Variants in PPFIA3 observed in about 807,000 individuals in gnomAD.
PPFIA3 encodes PPFI scaffold protein A3, also known as liprin-alpha-3.
Under a neutral mutation model 145.8 loss-of-function variants are expected in PPFIA3, and 26 were observed. The observed-to-expected ratio is 0.18, with a 90% confidence interval of 0.13 to 0.25. PPFIA3 has a LOEUF of 0.25. PPFIA3 is among the 10% of genes least tolerant of loss of function. The probability of loss-of-function intolerance (pLI) is 1.00; values close to 1 mark genes in which losing one functional copy is unlikely to be tolerated. For missense variants in PPFIA3, 1,008 were observed against 1,587.8 expected (o/e 0.63, Z 6.21); for synonymous variants, 645 against 661.4 (o/e 0.98, Z 0.38).
rs566094726 is a variant in PPFIA3 at position 49,133,609 on chromosome 19, C to T, written c.1162-187C>T. 2.6e-5 allele frequency among the ~76,000 whole-genome samples: 4 copies of T among 152,154 alleles called. No homozygotes were observed. In the East Asian group the frequency reaches 5.8e-4, roughly 22 times the overall value. ...GACTGAAAGGACCGGTGGCCTGGAACCTGAGAGGGAAGGAACAGGTCCTGA... is the reference window on the plus strand; with the variant it reads ...GACTGAAAGGACCGGTGGCCTGGAATCTGAGAGGGAAGGAACAGGTCCTGA... On this transcript the variant is annotated intron_variant, in intron 9 of 29. Coordinates refer to ENST00000334186, the MANE Select transcript of PPFIA3 (RefSeq NM_003660.4). This position sits in a 1 kb window ranked among gnomAD's most constrained non-coding sequence, Gnocchi z 7.2.
At chr19:49,147,070 G>C (rs576161223) in intron 23 of PPFIA3, among the ~76,000 whole-genome samples, 70 of 152,298 alleles carry the variant, frequency 4.6e-4, no homozygotes, top group African/African-American at 1.7e-3. Flanking sequence ...ATGCTGAAAG[G>C]AGTGAGGGAC....
rs760467044 is a variant in PPFIA3 at position 49,138,367 on chromosome 19, T to G, written c.2016T>G (p.Ser672=). ...STLASPSPPS[S]GHSTPRLAPP... Reference sequence around the variant, plus strand: ...TTGCCAGCCCCTCCCCTCCCAGCTCTGGCCACTCAACACCCCGCCTGGCAC... The same window carrying G: ...TTGCCAGCCCCTCCCCTCCCAGCTCGGGCCACTCAACACCCCGCCTGGCAC... The change falls in exon 16 of 30, where the codon TCT becomes TCG. Residue 672 remains serine, a synonymous_variant. Transcript: ENST00000334186. 11 of 1,600,348 alleles carry G rather than the reference T, an allele frequency of 6.9e-6. No individual in the cohort carries two copies. The African/African-American group carries it at 1.5e-4, about 21-fold the overall frequency.
At chr19:49,141,988 G>A (rs996627265) in intron 19 of PPFIA3, 46 bp from the exon 20 acceptor site, 9 of 1,484,412 alleles carry the variant, frequency 6.1e-6, no homozygotes, top group Middle Eastern at 1.7e-4. Context: ...AGAGCAGGGG[G>A]TCTCCATCCC....
In PPFIA3 at chr19:49,134,153, G is replaced by A; in HGVS notation, c.1365G>A (p.Ala455=). ...LQLHLKERMG[A]LEEKNSLSEE... Reference sequence around the variant, plus strand: ...TTCACCTCAAGGAGCGCATGGGGGCGCTGGAGGAGAAGGTGCGCCCCCCAT... The same window carrying A: ...TTCACCTCAAGGAGCGCATGGGGGCACTGGAGGAGAAGGTGCGCCCCCCAT... The change falls in exon 11 of 30, where the codon GCG becomes GCA. Residue 455 remains alanine (A), a synonymous_variant. Transcript: ENST00000334186. The A allele has an allele frequency of 6.2e-7, 1 of 1,610,300 alleles. No individual in the cohort carries two copies. Among genetic ancestry groups the A allele is most frequent in the Non-Finnish European group, 8.5e-7 (1 of 1,178,686 alleles).
rs1264715472 is a variant in PPFIA3, at chr19:49,135,703, G to T, written c.1521-76G>T. The T allele has an allele frequency of 2.8e-6, 4 of 1,453,904 alleles. No homozygotes were observed. In the African/African-American group the frequency reaches 5.7e-5, roughly 21 times the overall value. 90.1% of individuals were successfully genotyped at this position (1,453,904 alleles called of 1,614,324 possible). On this transcript the variant is annotated intron_variant, in intron 13 of 29. Transcript: ENST00000334186. Reference sequence around the variant, plus strand: ...TTGACTTCAGGACCCCTGGCCCTAGGTCTGTCTCTGTGACCCTTACCTCTG... The same window carrying T: ...TTGACTTCAGGACCCCTGGCCCTAGTTCTGTCTCTGTGACCCTTACCTCTG...
intron 23 of PPFIA3, among the ~76,000 whole-genome samples, chr19:49,147,010 G>A (rs1267486246): frequency 6.6e-6 from 1 of 152,138 alleles, no homozygotes; most frequent in African/African-American, 2.4e-5. Context: ...GTTTGACTGT[G>A]GTCATAGATC....
chr19:49,130,357 C>T lies in PPFIA3; in HGVS notation c.658-21C>T. ...CTCCGGAGACACTCTGGGATCTTGT[C>T]CCCTCCTTCCCTCACTCCAGACTCT... On this transcript the variant is annotated intron_variant, in intron 6 of 29. Transcript: ENST00000334186. The surrounding 1 kb of genome is among the most constrained non-coding windows in gnomAD (Gnocchi z 4.5). The T allele has an allele frequency of 6.4e-7, 1 of 1,569,876 alleles. No individual in the cohort carries two copies. The highest frequency in any genetic ancestry group is 8.7e-7 in the Non-Finnish European group (1 of 1,154,238).
At chr19:49,132,379 ACT>A (rs1238467932) in intron 7 of PPFIA3, among the ~76,000 whole-genome samples, 2 of 119,872 alleles carry the variant, frequency 1.7e-5, no homozygotes, top group African/African-American at 3.4e-5. Flanking sequence ...ACGGAGCAAG[ACT>A]CTCTCTCTCA....
Position 49,137,628 on chromosome 19 carries a change from C to CAAAAAAAAAAAAAAAAAAAAA in PPFIA3, c.1854-567_1854-547dup, listed in dbSNP as rs3032695. 1.1e-3 allele frequency among the ~76,000 whole-genome samples: 47 copies of CAAAAAAAAAAAAAAAAAAAAA among 43,782 alleles called. 3 individuals are homozygous for CAAAAAAAAAAAAAAAAAAAAA. The highest frequency in any genetic ancestry group is 2.8e-3 in the East Asian group (3 of 1,070). 28.7% of individuals were successfully genotyped at this position (43,782 alleles called of 152,430 possible). ...TGGGCTACAGAGCGAGACTCCGTGTCAAAAAAAAAAAAAAAAAAAAAAAAA... is the reference window on the plus strand; with the variant it reads ...TGGGCTACAGAGCGAGACTCCGTGTCAAAAAAAAAAAAAAAAAAAAAAAAAAAAAAAAAAAAAAAAAAAAAA... On this transcript the variant is annotated intron_variant, in intron 15 of 29. Transcript: ENST00000334186.
chr19:49,143,523 C>T (rs2041248561), intron 21 of PPFIA3, among the ~76,000 whole-genome samples: 1 of 152,120 alleles, frequency 6.6e-6, no homozygotes. Flanking sequence ...CAGGCGCCCG[C>T]CACCACGCCC....
At chr19:49,134,437 C>T (rs535164378) in intron 11 of PPFIA3, among the ~76,000 whole-genome samples, 2 of 152,300 alleles carry the variant, frequency 1.3e-5, no homozygotes, top group South Asian at 4.1e-4. Context: ...CCTGAACCCT[C>T]TGAGATTGCA....
chr19:49,141,601 A>AGTGTGTGTGTGTGTGTGAGAGGGT, intron 19 of PPFIA3, 88 bp downstream of exon 19: 2 of 822,908 alleles, frequency 2.4e-6, no homozygotes, highest in Non-Finnish European at 3.8e-6. Flanking sequence ...TGTGTGTATG[A>AGTGTGTGTGTGTGTGTGAGAGGGT]GTGTGTGTGT....
At chr19:49,146,054 G>T in intron 22 of PPFIA3, 49 bp downstream of exon 22, 2 of 1,609,796 alleles carry the variant, frequency 1.2e-6, no homozygotes, top group African/African-American at 2.7e-5. Flanking sequence ...ACCTTCTTTG[G>T]GGGTGGGGGC....
intron 15 of PPFIA3, 97 bp downstream of exon 15, chr19:49,137,008 CT>C: frequency 8.6e-7 from 1 of 1,161,826 alleles, no homozygotes; most frequent in Non-Finnish European, 1.2e-6. Context: ...TCCGTCTCCT[CT>C]TACACCATCC....
intron 28 of PPFIA3, 57 bp from the exon 29 acceptor site, chr19:49,150,023 G>A: frequency 6.4e-7 from 1 of 1,552,860 alleles, no homozygotes; most frequent in Non-Finnish European, 8.8e-7. Flanking sequence ...GAGGAATCCT[G>A]GAGAGGAACA....
Position 49,149,127 on chromosome 19 carries a change from G to T in PPFIA3, c.3244G>T (p.Asp1082Tyr). 1 of 1,614,168 alleles carries T rather than the reference G, an allele frequency of 6.2e-7. No individual in the cohort carries two copies. The highest frequency in any genetic ancestry group is 1.1e-5 in the South Asian group (1 of 91,082). ...LALDETFDYS[D>Y]LALLLQIPTQ... ...CCTGGACGAGACCTTCGACTACTCC[G>T]ACCTGGCCTTGCTCCTGCAGATCCC... is the stretch of plus-strand genomic sequence containing the variant. The change falls in exon 26 of 30, where the codon GAC becomes TAC. Residue 1082 changes from aspartate (D) to tyrosine (Y), a missense_variant. Around this residue, in one of 11 missense-constraint regions of PPFIA3, gnomAD observed 125 missense variants for 159.3 expected, o/e 0.78. Coordinates refer to ENST00000334186, the MANE Select transcript of PPFIA3 (RefSeq NM_003660.4). The surrounding 1 kb of genome is among the most constrained non-coding windows in gnomAD (Gnocchi z 5.7).
At chr19:49,145,140 C>T (rs1294936352) in intron 21 of PPFIA3, among the ~76,000 whole-genome samples, 1 of 151,996 alleles carries the variant, frequency 6.6e-6, no homozygotes, top group African/African-American at 2.4e-5. Context: ...CAACGTTGGC[C>T]AGGCTGGTCT....
In PPFIA3 at chr19:49,148,774, C is replaced by T; in HGVS notation, c.3109+11C>T. The stretch of plus-strand genomic sequence containing the variant: ...AGACCCAGATCCGAGGTGAGTAGAG[C>T]CTAAGGGTCCCTTTGGGAGCCAGGT... On this transcript the variant is annotated intron_variant, in intron 25 of 29. Coordinates refer to ENST00000334186, the MANE Select transcript of PPFIA3 (RefSeq NM_003660.4). 2 of 1,607,534 alleles carry T rather than the reference C, an allele frequency of 1.2e-6. No homozygotes were observed.
intron 1 of PPFIA3, among the ~76,000 whole-genome samples, chr19:49,121,344 C>T (rs1235294937): frequency 6.6e-6 from 1 of 152,166 alleles, no homozygotes; most frequent in Non-Finnish European, 1.5e-5. Context: ...GACAAGGTCT[C>T]TGTTGCCCAG....
Sources: allele counts gnomAD v4.1 joint callset (sites outside exome capture counted in the v4.1 genomes callset), GRCh38; gene constraint gnomAD v4.1.1; regional missense constraint gnomAD v4.1.1; non-coding constraint Gnocchi (gnomAD v3.1); transcripts MANE v1.5; gene names NCBI Gene and HGNC (gene_info 2026-07-23, HGNC 2026-07-21).